Variants in KPNA6 observed in about 807,000 individuals in gnomAD.
KPNA6 encodes karyopherin subunit alpha 6.
In KPNA6, 9 loss-of-function variants were observed where a neutral mutation model predicts 72.0. That is an observed-to-expected ratio of 0.13 (90% CI 0.08 to 0.22). The LOEUF (loss-of-function observed/expected upper bound fraction) is 0.22, where lower values mean the gene tolerates loss of function less well. Among genes scored for constraint, KPNA6 ranks in the 10% least tolerant of loss-of-function variants. KPNA6 has a pLI of 1.00. For missense variants in KPNA6, 374 were observed against 655.7 expected, an observed-to-expected ratio of 0.57 and a Z score of 4.69; for synonymous variants, 219 against 242.1, an observed-to-expected ratio of 0.90 and a Z score of 0.89.
At chr1:32,150,891 C>T (rs1642020032) in intron 1 of KPNA6, among the ~76,000 whole-genome samples, 2 of 152,072 alleles carry the variant, frequency 1.3e-5, no homozygotes, top group African/African-American at 4.8e-5. Context: ...TCCCAAAGTG[C>T]TGGGATTACA....
At chr1:32,132,159 CAG>C (rs538663445) in intron 1 of KPNA6, among the ~76,000 whole-genome samples, 151 of 152,000 alleles carry the variant, frequency 9.9e-4, no homozygotes, top group African/African-American at 3.4e-3. Flanking sequence ...TTAGTAGAGA[CAG>C]AGTTTCACCA....
chr1:32,109,744 A>T (rs955738652), intron 1 of KPNA6, among the ~76,000 whole-genome samples: 6 of 150,030 alleles, frequency 4.0e-5, no homozygotes, highest in African/African-American at 1.5e-4. Context: ...TCCCGGGTTC[A>T]CGCCATTCTC....
At chr1:32,134,246 C>T (rs964871683) in intron 1 of KPNA6, among the ~76,000 whole-genome samples, 1 of 144,360 alleles carries the variant, frequency 6.9e-6, no homozygotes, top group African/African-American at 2.6e-5. Context: ...GACAGTACAA[C>T]ACTTCGTCTC....
At chr1:32,142,557 A>G (rs936705329) in intron 1 of KPNA6, among the ~76,000 whole-genome samples, 3 of 152,166 alleles carry the variant, frequency 2.0e-5, no homozygotes, top group African/African-American at 7.2e-5. Flanking sequence ...TTGTATTATC[A>G]TTGCTAGCTC....
In KPNA6 at chr1:32,162,233, G is replaced by A. The variant is rs527325191; in HGVS notation, c.748-128G>A. ...GTAGACCCAAATGTTTAATGTAGTA[G>A]CGATCCCTAGGGTCTGGAATTACTT... On this transcript the variant is annotated intron_variant, in intron 8 of 13. Transcript: ENST00000373625. 168 of 1,002,164 alleles carry A rather than the reference G, an allele frequency of 1.7e-4. No individual in the cohort carries two copies. In the African/African-American group the frequency reaches 2.4e-3, roughly 14 times the overall value. 62.1% of individuals were successfully genotyped at this position (1,002,164 alleles called of 1,614,324 possible).
intron 1 of KPNA6, among the ~76,000 whole-genome samples, chr1:32,118,359 A>G (rs1641363465): frequency 6.6e-6 from 1 of 150,378 alleles, no homozygotes; most frequent in Non-Finnish European, 1.5e-5. Context: ...TTTTTTTTTA[A>G]ATGGAGTCTC....
intron 4 of KPNA6, among the ~76,000 whole-genome samples, chr1:32,157,991 C>A (rs1642173382): frequency 6.6e-6 from 1 of 152,168 alleles, no homozygotes; most frequent in South Asian, 2.1e-4. Context: ...TTGTTCATCC[C>A]TTAGGTGGTT....
chr1:32,113,822 A>G (rs2124519945), intron 1 of KPNA6, among the ~76,000 whole-genome samples: 1 of 152,276 alleles, frequency 6.6e-6, no homozygotes, highest in South Asian at 2.1e-4. Context: ...CACCCGTAAG[A>G]ATAGCTGCTC....
intron 1 of KPNA6, among the ~76,000 whole-genome samples, chr1:32,123,567 C>T (rs1641476645): frequency 1.3e-5 from 2 of 151,644 alleles, no homozygotes; most frequent in South Asian, 4.2e-4. Flanking sequence ...ATGGTGAAAC[C>T]CTGTCTCTAC....
intron 2 of KPNA6, among the ~76,000 whole-genome samples, chr1:32,154,940 T>G (rs1017439154): frequency 6.6e-6 from 1 of 151,892 alleles, no homozygotes; most frequent in East Asian, 1.9e-4. Flanking sequence ...AAACTTCATT[T>G]TCTCTACTAA....
chr1:32,108,762 G>T (rs1356358752), intron 1 of KPNA6, among the ~76,000 whole-genome samples: 1 of 152,210 alleles, frequency 6.6e-6, no homozygotes, highest in Non-Finnish European at 1.5e-5. Context: ...AACACCAAAG[G>T]CCAAGTCCTC....
rs557447061 is a variant in KPNA6, at chr1:32,131,265, G to A, written c.4+23131G>A. Among the ~76,000 whole-genome samples the A allele has an allele frequency of 9.2e-5, 14 of 152,298 alleles. No individual in the cohort carries two copies. In the South Asian group the frequency reaches 2.7e-3, roughly 29 times the overall value. On this transcript the variant is annotated intron_variant, in intron 1 of 13. Coordinates refer to ENST00000373625, the MANE Select transcript of KPNA6 (RefSeq NM_012316.5). ...GCCGAGATTGCGCCATTGCACTCCC[G>A]CTGGGCGACAAGAGCGAAACTTCAT...
chr1:32,168,468 G>C (rs1642378032), intron 12 of KPNA6, among the ~76,000 whole-genome samples: 1 of 152,190 alleles, frequency 6.6e-6, no homozygotes, highest in Admixed American at 6.5e-5. Flanking sequence ...GGGATTATAG[G>C]CATGAGCCAC....
intron 9 of KPNA6, 52 bp from the exon 10 acceptor site, chr1:32,163,183 C>A: frequency 1.7e-6 from 2 of 1,165,432 alleles, no homozygotes; most frequent in Non-Finnish European, 2.6e-6. Context: ...AGAGAATCAG[C>A]AGGGCCGAAA....
chr1:32,146,255 T>G (rs1256669327), intron 1 of KPNA6, among the ~76,000 whole-genome samples: 1 of 152,206 alleles, frequency 6.6e-6, no homozygotes, highest in Non-Finnish European at 1.5e-5. Context: ...CTCCAAATAT[T>G]TTTTCTGCAC....
chr1:32,155,316 T>TTTTTTTTTTC (rs1437373644), intron 2 of KPNA6, among the ~76,000 whole-genome samples: 2 of 146,948 alleles, frequency 1.4e-5, no homozygotes, highest in South Asian at 2.1e-4. Context: ...TTTTCTTTTC[T>TTTTTTTTTTC]TTTTTTTTTC....
intron 1 of KPNA6, 99 bp from the exon 2 acceptor site, chr1:32,154,489 A>C (rs1449252606): frequency 1.5e-6 from 2 of 1,292,082 alleles, no homozygotes; most frequent in Admixed American, 4.3e-5. Flanking sequence ...TATTCCCCCC[A>C]GAGTAGGGGA....
chr1:32,128,389 A>ATATATATATATATATATT (rs1641573270), intron 1 of KPNA6, among the ~76,000 whole-genome samples: 1 of 32,000 alleles, frequency 3.1e-5, no homozygotes, highest in East Asian at 3.0e-3. Flanking sequence ...ATATGTATTT[A>ATATATATATATATATATT]TATATATATA....
chr1:32,168,117 G>A (rs1244377052), intron 12 of KPNA6, among the ~76,000 whole-genome samples: 1 of 152,192 alleles, frequency 6.6e-6, no homozygotes, highest in Non-Finnish European at 1.5e-5. Context: ...GTAATAAGCT[G>A]TGATTGTGCC....
Sources: gnomAD v4.1 joint callset for allele counts (sites outside exome capture counted in the v4.1 genomes callset) on GRCh38, gnomAD v4.1.1 for gene constraint, MANE v1.5 for transcripts, NCBI Gene and HGNC (gene_info 2026-07-23, HGNC 2026-07-21) for gene names.